NCKAP1L: variants seen among roughly 807,000 people sequenced by gnomAD.
NCKAP1L encodes NCK associated protein 1 like, also known as nck-associated protein 1-like.
A neutral mutation model predicts 139.2 loss-of-function variants in NCKAP1L; 53 were observed. That is an observed-to-expected ratio of 0.38 (90% CI 0.31 to 0.48). The LOEUF (loss-of-function observed/expected upper bound fraction) is 0.48, where lower values mean the gene tolerates loss of function less well. NCKAP1L is among the 20% of genes least tolerant of loss of function. The pLI is 0.98. For synonymous variants in NCKAP1L, 468 were observed against 499.7 expected (o/e 0.94, Z 0.85); for missense variants, 1,151 against 1,381.9 (o/e 0.83, Z 2.65).
Position 54,545,012 on chromosome 12 carries a change from A to G in NCKAP1L, c.*2327A>G, listed in dbSNP as rs1957187465. 6.6e-6 allele frequency: 1 copy of G among 152,028 alleles called. No homozygotes were observed. Among genetic ancestry groups the G allele is most frequent in the South Asian group, 2.1e-4 (1 of 4,816 alleles). The allele number at this position is 152,028 out of a possible 1,614,324, so 9.4% of individuals were successfully genotyped here. On this transcript the variant is annotated 3_prime_UTR_variant, in exon 31 of 31. Coordinates refer to ENST00000293373, the MANE Select transcript of NCKAP1L (RefSeq NM_005337.5). Reference sequence around the variant, plus strand: ...GACTCTGTCTCAAAAAATAAATAATAATTTAAAAAAAGATACAGAACAGTT... The same window carrying G: ...GACTCTGTCTCAAAAAATAAATAATGATTTAAAAAAAGATACAGAACAGTT...
At chr12:54,510,624 C>T (rs1012909406) in intron 7 of NCKAP1L, among the ~76,000 whole-genome samples, 2 of 152,070 alleles carry the variant, frequency 1.3e-5, no homozygotes, top group Admixed American at 6.5e-5. Flanking sequence ...ATTCTTCTGC[C>T]TCAGCCTCCC....
chr12:54,511,655 C>A, intron 7 of NCKAP1L, 148 bp from the exon 8 acceptor site: 1 of 740,796 alleles, frequency 1.3e-6, no homozygotes. Context: ...TATCCTCCTG[C>A]CCCTGCCTCC....
intron 28 of NCKAP1L, 104 bp downstream of exon 28, chr12:54,536,349 G>A (rs1957112616): frequency 2.3e-6 from 2 of 862,744 alleles, no homozygotes; most frequent in Non-Finnish European, 3.8e-6. Context: ...TGACTTGGGT[G>A]TAAAGTTCTG....
At chr12:54,515,061 A>T (rs570214787) in intron 9 of NCKAP1L, among the ~76,000 whole-genome samples, 1 of 152,322 alleles carries the variant, frequency 6.6e-6, no homozygotes, top group African/African-American at 2.4e-5. Context: ...CTTTTTTTAT[A>T]AATGAGAAAA....
At chr12:54,514,638 T>C (rs558301014) in intron 9 of NCKAP1L, among the ~76,000 whole-genome samples, 1 of 152,306 alleles carries the variant, frequency 6.6e-6, no homozygotes, top group Admixed American at 6.5e-5. Context: ...TCTGTGAATA[T>C]TTCTATAGGC....
chr12:54,499,256 CT>C, intron 1 of NCKAP1L, 98 bp from the exon 2 acceptor site: 2 of 743,572 alleles, frequency 2.7e-6, no homozygotes, highest in Non-Finnish European at 4.6e-6. Flanking sequence ...CCCAGGTTGC[CT>C]TTTCCTAAGA....
chr12:54,503,277 A>G (rs1190939831), intron 3 of NCKAP1L, among the ~76,000 whole-genome samples: 1 of 152,104 alleles, frequency 6.6e-6, no homozygotes, highest in Non-Finnish European at 1.5e-5. Flanking sequence ...TGAATTTTAA[A>G]TAATGAGCAT....
intron 9 of NCKAP1L, among the ~76,000 whole-genome samples, chr12:54,513,013 ATGT>A (rs1253702598): frequency 1.3e-5 from 2 of 152,144 alleles, no homozygotes; most frequent in Non-Finnish European, 2.9e-5. Flanking sequence ...GTAAATTAGG[ATGT>A]TGTATGCTTT....
In NCKAP1L at chr12:54,500,538, T is replaced by C. The variant is rs767598698; in HGVS notation, c.219T>C (p.His73=). ...PNIDVRNSTQ[H]LGPVHREKAE... is the part of the protein sequence containing the mutation. Reference sequence around the variant, plus strand: ...TTGTTTTGTGTTTCTCTCAGCAACATTTAGGACCAGTACATCGTGAAAAAG... The same window carrying C: ...TTGTTTTGTGTTTCTCTCAGCAACACTTAGGACCAGTACATCGTGAAAAAG... The change falls in exon 3 of 31, where the codon CAT becomes CAC. Residue 73 remains histidine (H), a synonymous_variant. Coordinates refer to ENST00000293373, the MANE Select transcript of NCKAP1L (RefSeq NM_005337.5). 2.5e-6 allele frequency: 4 copies of C among 1,609,704 alleles called. No homozygotes were observed. The highest frequency in any genetic ancestry group is 3.4e-6 in the Non-Finnish European group (4 of 1,176,012).
intron 26 of NCKAP1L, among the ~76,000 whole-genome samples, chr12:54,533,033 T>G (rs12310897): frequency 0.088 from 13,435 of 152,268 alleles, 929 homozygotes; most frequent in East Asian, 0.31. Context: ...AAATCTTCAT[T>G]ACTTTGAGAT....
rs1464753226 is a variant in NCKAP1L at position 54,546,037 on chromosome 12, A to C, written c.*3352A>C. 6.6e-6 allele frequency: 1 copy of C among 152,230 alleles called. No homozygotes were observed. Among genetic ancestry groups the C allele is most frequent in the African/African-American group, 2.4e-5 (1 of 41,456 alleles). 9.4% of individuals were successfully genotyped at this position (152,230 alleles called of 1,614,324 possible). A position where few individuals can be genotyped will look rare whatever the true frequency, so the allele number is the denominator to read the frequency against. ...TCAGGAGTTTGAGACCACTCTGGGC[A>C]ACACAGTGAAACCCTGTCTCTCCAA... On this transcript the variant is annotated 3_prime_UTR_variant, in exon 31 of 31. Transcript: ENST00000293373.
chr12:54,507,284 G>A (rs529933272), intron 3 of NCKAP1L, among the ~76,000 whole-genome samples: 12 of 152,100 alleles, frequency 7.9e-5, no homozygotes, highest in African/African-American at 2.9e-4. Context: ...TATTAATTTA[G>A]GTAAAATTAT....
chr12:54,500,757 T>G (rs1956791492), intron 3 of NCKAP1L, 132 bp downstream of exon 3: 1 of 654,466 alleles, frequency 1.5e-6, no homozygotes, highest in Non-Finnish European at 2.7e-6. Context: ...GAAGGATATC[T>G]AAGTTGTATT....
chr12:54,504,771 T>G (rs1956827326), intron 3 of NCKAP1L, among the ~76,000 whole-genome samples: 1 of 152,220 alleles, frequency 6.6e-6, no homozygotes, highest in Non-Finnish European at 1.5e-5. Context: ...AGATTTACTG[T>G]GTGAGGCGTC....
Position 54,509,647 on chromosome 12 carries a change from CCT to C in NCKAP1L, c.507-18_507-17del, listed in dbSNP as rs1481244752. Reference sequence around the variant, plus strand: ...TCATGGGTAAGGGAGGGCTGTAACCCCTCTCCTCTGCTTTCTTCTAGTGACCC... The same window carrying C: ...TCATGGGTAAGGGAGGGCTGTAACCCCTCCTCTGCTTTCTTCTAGTGACCC... On this transcript the variant is annotated intron_variant, in intron 5 of 30. Transcript: ENST00000293373. The C allele has an allele frequency of 6.4e-7, 1 of 1,561,582 alleles. No individual in the cohort carries two copies. Among genetic ancestry groups the C allele is most frequent in the Non-Finnish European group, 8.8e-7 (1 of 1,132,446 alleles).
rs751393870 is a variant in NCKAP1L, at chr12:54,509,898, C to T, written c.648C>T (p.Asn216=). ...TGCATTTCCTCTTTGTCCGAAGAAACCAGGGGGCTGAGCAGTGGCGCAGTG... is the reference window on the plus strand; with the variant it reads ...TGCATTTCCTCTTTGTCCGAAGAAATCAGGGGGCTGAGCAGTGGCGCAGTG... ...LSLHFLFVRR[N]QGAEQWRSAQ... The change falls in exon 7 of 31, where the codon AAC becomes AAT. Residue 216 remains asparagine (N), a synonymous_variant. Coordinates refer to ENST00000293373, the MANE Select transcript of NCKAP1L (RefSeq NM_005337.5). 2 of 1,614,206 alleles carry T rather than the reference C, an allele frequency of 1.2e-6. No individual in the cohort carries two copies. The highest frequency in any genetic ancestry group is 1.7e-5 in the Admixed American group (1 of 60,022).
At chr12:54,503,021 AAAC>A (rs1426839065) in intron 3 of NCKAP1L, among the ~76,000 whole-genome samples, 1 of 149,528 alleles carries the variant, frequency 6.7e-6, no homozygotes, top group Non-Finnish European at 1.5e-5. Context: ...AAAAAAAAAG[AAAC>A]AAAACCCCAC....
intron 26 of NCKAP1L, among the ~76,000 whole-genome samples, chr12:54,533,374 A>G (rs1957088460): frequency 6.6e-6 from 1 of 152,212 alleles, no homozygotes; most frequent in African/African-American, 2.4e-5. Context: ...TTAGAAGAAG[A>G]AAAGATAAAA....
chr12:54,508,193 C>T (rs1220146924), intron 4 of NCKAP1L, among the ~76,000 whole-genome samples, 196 bp from the exon 5 acceptor site: 2 of 152,164 alleles, frequency 1.3e-5, no homozygotes, highest in African/African-American at 4.8e-5. Flanking sequence ...TTCCTGGCCT[C>T]CTTGTATATT....
Sources: gnomAD v4.1 joint callset for allele counts (sites outside exome capture counted in the v4.1 genomes callset) on GRCh38, gnomAD v4.1.1 for gene constraint, MANE v1.5 for transcripts, NCBI Gene and HGNC (gene_info 2026-07-23, HGNC 2026-07-21) for gene names.